MB21D2: variants seen among roughly 807,000 people sequenced by gnomAD.
MB21D2 encodes the protein Mab-21 domain containing 2.
In MB21D2, 9 loss-of-function variants were observed where a neutral mutation model predicts 33.3. The observed-to-expected ratio is 0.27, with a 90% CI of 0.16 to 0.47. The LOEUF (loss-of-function observed/expected upper bound fraction) is 0.47, where lower values mean the gene tolerates loss of function less well. MB21D2 is among the 20% of genes least tolerant of loss of function. The pLI is 0.99. For synonymous variants in MB21D2, 241 were observed against 236.3 expected (o/e 1.02, Z -0.18); for missense variants, 540 against 624.6 (o/e 0.86, Z 1.44).
At position 192,814,661 on chromosome 3, in the gene MB21D2, G is replaced by T. The variant is rs571710252; in HGVS notation, c.212-15011C>A. ...GCAGATCACGAGGTCAGGAGATCGA[G>T]ACCATCCTGGCTAACACGGTGAAAC... On this transcript the variant is annotated intron_variant, in intron 1 of 1. Transcript: ENST00000392452. 3.9e-5 allele frequency among the ~76,000 whole-genome samples: 6 copies of T among 152,118 alleles called. No individual in the cohort carries two copies. In the East Asian group the frequency reaches 9.7e-4, roughly 25 times the overall value.
intron 1 of MB21D2, among the ~76,000 whole-genome samples, chr3:192,910,298 CAAAAAAAAA>C (rs747554734): frequency 9.6e-5 from 5 of 52,288 alleles, no homozygotes; most frequent in African/African-American, 2.5e-4. Context: ...ACCATCTCTA[CAAAAAAAAA>C]AAAAAAAAAA....
At chr3:192,835,573 A>G (rs1282068202) in intron 1 of MB21D2, among the ~76,000 whole-genome samples, 9 of 152,142 alleles carry the variant, frequency 5.9e-5, no homozygotes, top group Non-Finnish European at 1.3e-4. Context: ...ATTCCAGAAA[A>G]AAATGATGAC....
chr3:192,852,661 A>G (rs1332942933), intron 1 of MB21D2, among the ~76,000 whole-genome samples: 1 of 152,252 alleles, frequency 6.6e-6, no homozygotes, highest in Non-Finnish European at 1.5e-5. Flanking sequence ...TAATGAGAGC[A>G]AAATAAAAAC....
At chr3:192,868,652 C>T (rs1040274142) in intron 1 of MB21D2, among the ~76,000 whole-genome samples, 4 of 151,964 alleles carry the variant, frequency 2.6e-5, no homozygotes, top group Non-Finnish European at 5.9e-5. Context: ...GGGGAAAAGA[C>T]ATATAGGCAA....
rs1005351213 is a variant in MB21D2 at position 192,831,039 on chromosome 3, C to G, written c.212-31389G>C. On this transcript the variant is annotated intron_variant, in intron 1 of 1. Transcript: ENST00000392452. ...GATACCCATACCCTTGCGTAGTCCC[C>G]TCAAACACTGAATGAGGGTTGGTCT... is the stretch of plus-strand genomic sequence containing the variant. Among the ~76,000 whole-genome samples, 5 of 152,220 alleles carry G rather than the reference C, an allele frequency of 3.3e-5. 1 individual carries two copies. Among genetic ancestry groups the G allele is most frequent in the Non-Finnish European group, 1.5e-5 (1 of 68,042 alleles).
At chr3:192,827,486 C>T (rs1430093918) in intron 1 of MB21D2, among the ~76,000 whole-genome samples, 1 of 152,086 alleles carries the variant, frequency 6.6e-6, no homozygotes, top group African/African-American at 2.4e-5. Flanking sequence ...TTAGAGAAGT[C>T]TATTGAAGCT....
In MB21D2 at chr3:192,798,261, CTT is replaced by C. The variant is rs1720564156; in HGVS notation, c.*123_*124del. On this transcript the variant is annotated 3_prime_UTR_variant, in exon 2 of 2. Transcript: ENST00000392452. This position sits in a 1 kb window ranked among gnomAD's most constrained non-coding sequence, Gnocchi z 4.8. ...TGCACCATCCTGCAGAACCAGGAAA[CTT>C]AAAATTTGTTCTTAACAAATCCAAT... 1 of 1,089,020 alleles carries C rather than the reference CTT, an allele frequency of 9.2e-7. No individual in the cohort carries two copies. Among genetic ancestry groups the C allele is most frequent in the Non-Finnish European group, 1.3e-6 (1 of 766,010 alleles). 67.5% of individuals were successfully genotyped at this position (1,089,020 alleles called of 1,614,324 possible).
intron 1 of MB21D2, among the ~76,000 whole-genome samples, chr3:192,902,579 A>T (rs533712666): frequency 3.3e-5 from 5 of 152,322 alleles, no homozygotes; most frequent in African/African-American, 1.2e-4. Context: ...TTTGACCTTG[A>T]GCAAGTCACT....
rs113133667 is a variant in MB21D2 at position 192,880,427 on chromosome 3, C to G, written c.211+37203G>C. On this transcript the variant is annotated intron_variant, in intron 1 of 1. Coordinates refer to ENST00000392452, the MANE Select transcript of MB21D2 (RefSeq NM_178496.4). ...AGATGCTGAGACAAAGTCTGGGGTT[C>G]AAGATATTTATTAGAAGAACTATCC... Among the ~76,000 whole-genome samples the G allele has an allele frequency of 5.9e-3, 905 of 152,122 alleles. 21 individuals carry two copies. Among genetic ancestry groups the G allele is most frequent in the African/African-American group, 0.021 (870 of 41,420 alleles).
intron 1 of MB21D2, among the ~76,000 whole-genome samples, chr3:192,859,649 T>A (rs1463957938): frequency 6.6e-6 from 1 of 152,180 alleles, no homozygotes; most frequent in Non-Finnish European, 1.5e-5. Flanking sequence ...GCCTCAGACA[T>A]ATTAGGTACT....
intron 1 of MB21D2, among the ~76,000 whole-genome samples, chr3:192,837,155 T>C (rs539729811): frequency 6.6e-6 from 1 of 152,120 alleles, no homozygotes; most frequent in Non-Finnish European, 1.5e-5. Context: ...TTGACCAGAG[T>C]AAGTATTAGC....
At chr3:192,869,283 A>AAGGAAGGAGGGG (rs1713236625) in intron 1 of MB21D2, among the ~76,000 whole-genome samples, 3 of 113,636 alleles carry the variant, frequency 2.6e-5, no homozygotes, top group Non-Finnish European at 5.0e-5. Flanking sequence ...GGAAGGAAGG[A>AAGGAAGGAGGGG]AGGAGGGGAG....
At chr3:192,869,282 GA>G (rs1302912746) in intron 1 of MB21D2, among the ~76,000 whole-genome samples, 8 of 116,248 alleles carry the variant, frequency 6.9e-5, no homozygotes, top group Middle Eastern at 4.4e-3. Context: ...AGGAAGGAAG[GA>G]AGGAGGGGAG....
At chr3:192,901,556 A>G (rs1577201966) in intron 1 of MB21D2, among the ~76,000 whole-genome samples, 1 of 145,098 alleles carries the variant, frequency 6.9e-6, no homozygotes, top group Admixed American at 7.0e-5. Context: ...CCCCAACAAC[A>G]ATTGTATCTC....
chr3:192,853,333 C>T (rs990100707), intron 1 of MB21D2, among the ~76,000 whole-genome samples: 7 of 152,210 alleles, frequency 4.6e-5, no homozygotes, highest in African/African-American at 1.7e-4. Context: ...TTAGGAGGCA[C>T]TTCCGTGACA....
At position 192,891,512 on chromosome 3, in the gene MB21D2, AAG is replaced by A. The variant is rs1028209068; in HGVS notation, c.211+26116_211+26117del. ...GGTATTTGCAAATCCATTGCAAGAG[AAG>A]AGAGATGGTAGGAGTCCTCCCTCTG... On this transcript the variant is annotated intron_variant, in intron 1 of 1. Coordinates refer to ENST00000392452, the MANE Select transcript of MB21D2 (RefSeq NM_178496.4). 4.9e-4 allele frequency among the ~76,000 whole-genome samples: 74 copies of A among 152,268 alleles called. 1 individual carries two copies. The highest frequency in any genetic ancestry group is 1.7e-3 in the African/African-American group (71 of 41,520).
At chr3:192,846,340 T>C (rs1712679649) in intron 1 of MB21D2, among the ~76,000 whole-genome samples, 1 of 152,206 alleles carries the variant, frequency 6.6e-6, no homozygotes, top group African/African-American at 2.4e-5. Context: ...GTGCTTACTA[T>C]AGGCCAGGCT....
intron 1 of MB21D2, among the ~76,000 whole-genome samples, chr3:192,823,339 G>A (rs1394013380): frequency 1.3e-5 from 2 of 152,238 alleles, no homozygotes; most frequent in African/African-American, 2.4e-5. Flanking sequence ...TCCTAACTGC[G>A]TCTACTCGCT....
intron 1 of MB21D2, among the ~76,000 whole-genome samples, chr3:192,917,260 C>G (rs574234350): frequency 1.2e-4 from 19 of 152,242 alleles, no homozygotes; most frequent in Non-Finnish European, 2.1e-4. Flanking sequence ...AGCCAAATCC[C>G]TCAACTGAAG....
Sources: gnomAD v4.1 joint callset for allele counts (sites outside exome capture counted in the v4.1 genomes callset) on GRCh38, gnomAD v4.1.1 for gene constraint, Gnocchi (gnomAD v3.1) non-coding constraint, MANE v1.5 for transcripts, NCBI Gene and HGNC (gene_info 2026-07-23, HGNC 2026-07-21) for gene names.